HEXD: variants seen among roughly 807,000 people sequenced by gnomAD.
HEXD encodes the protein hexosaminidase D.
In HEXD, 47 loss-of-function variants were observed where a neutral mutation model predicts 54.2. The ratio of observed to expected loss-of-function variants is 0.87; its 90% CI spans 0.69 to 1.11. The LOEUF (loss-of-function observed/expected upper bound fraction) is 1.11. Ranked by LOEUF, HEXD falls within the 50% of genes least tolerant of loss-of-function variation. The probability of loss-of-function intolerance (pLI) is 0.00; values close to 1 mark genes in which losing one functional copy is unlikely to be tolerated. For synonymous variants in HEXD, 293 were observed against 287.6 expected (o/e 1.02, Z -0.19); for missense variants, 576 against 649.2 (o/e 0.89, Z 1.23).
intron 8 of HEXD, among the ~76,000 whole-genome samples, chr17:82,437,585 C>T (rs956550389): frequency 2.6e-5 from 4 of 152,094 alleles, no homozygotes; most frequent in East Asian, 2.0e-4. Context: ...GAACACGTGG[C>T]CCCCAGCCCC....
At position 82,441,081 on chromosome 17, in the gene HEXD, C is replaced by A. The variant is rs781140868; in HGVS notation, c.1061+6C>A. 1 of 1,613,632 alleles carries A rather than the reference C, an allele frequency of 6.2e-7. No homozygotes were observed. Among genetic ancestry groups the A allele is most frequent in the South Asian group, 1.1e-5 (1 of 91,088 alleles). On this transcript the variant is annotated splice_donor_region_variant and intron_variant, in intron 10 of 12. Coordinates refer to ENST00000327949, the MANE Select transcript of HEXD (RefSeq NM_001330542.2). ...GAAAAAACGGACCCTGTTAGGCAAG[C>A]ACCCTGCAGCCCTCCCTGTCCCCTT...
chr17:82,435,908 T>G, intron 6 of HEXD, 36 bp downstream of exon 6: 1 of 1,580,984 alleles, frequency 6.3e-7, no homozygotes, highest in Non-Finnish European at 8.6e-7. Context: ...GGTGGGCCAC[T>G]GAACTGCCCA....
Position 82,434,580 on chromosome 17 carries a change from G to A in HEXD, c.447+758G>A, listed in dbSNP as rs555695065. ...AGGCTGGGTGTGGTGGCTCACGCCT[G>A]TAATCCCAGCACTTTGGGAGACCAA... On this transcript the variant is annotated intron_variant, in intron 5 of 12. Transcript: ENST00000327949. This position sits in a 1 kb window ranked among gnomAD's most constrained non-coding sequence, Gnocchi z 4.5. Among the ~76,000 whole-genome samples, 1 of 152,368 alleles carries A rather than the reference G, an allele frequency of 6.6e-6. No homozygotes were observed. Among genetic ancestry groups the A allele is most frequent in the South Asian group, 2.1e-4 (1 of 4,828 alleles).
rs759849737 is a variant in HEXD, at chr17:82,435,721, C to T, written c.480C>T (p.Arg160=). 54 of 1,612,626 alleles carry T rather than the reference C, an allele frequency of 3.3e-5. 1 individual carries two copies. In the African/African-American group the frequency reaches 6.7e-4, roughly 20 times the overall value. ...ACCTCGGAGAGGGGGAGGCCTCGCGCCGGTGGCTACAGCAAGAGCAGAACA... is the reference window on the plus strand; with the variant it reads ...ACCTCGGAGAGGGGGAGGCCTCGCGTCGGTGGCTACAGCAAGAGCAGAACA... ...VYYLGEGEAS[R]RWLQQEQNST... Residue 160 remains arginine (R), a synonymous_variant, in exon 6 of 13, where the codon CGC becomes CGT. Transcript: ENST00000327949.
intron 2 of HEXD, among the ~76,000 whole-genome samples, chr17:82,421,943 G>A (rs1301006279): frequency 1.3e-5 from 2 of 152,054 alleles, no homozygotes; most frequent in East Asian, 3.9e-4. Context: ...TTGGGAGGCC[G>A]AGGAAGGTGG....
rs559736837 is a variant in HEXD at position 82,437,240 on chromosome 17, C to A, written c.776C>A (p.Thr259Lys). The A allele has an allele frequency of 6.2e-7, 1 of 1,611,022 alleles. No homozygotes were observed. The highest frequency in any genetic ancestry group is 1.1e-5 in the South Asian group (1 of 90,892). Residue 259 changes from threonine to lysine, a missense_variant, in exon 8 of 13, where the codon ACG (threonine) becomes AAG (lysine). Transcript: ENST00000327949. ...LWAASAFKGA[T>K]GPSQAVPPVE... ...GCAGCCAGTGCCTTCAAGGGTGCCACGGGGCCCAGCCAGGCCGTGCCCCCT... is the reference window on the plus strand; with the variant it reads ...GCAGCCAGTGCCTTCAAGGGTGCCAAGGGGCCCAGCCAGGCCGTGCCCCCT...
intron 4 of HEXD, among the ~76,000 whole-genome samples, chr17:82,433,146 T>TTTA (rs2053660080): frequency 1.2e-5 from 1 of 80,442 alleles, no homozygotes; most frequent in African/African-American, 5.1e-5. Context: ...TTTTTTTTTA[T>TTTA]ATATATATTT....
rs755323010 is a variant in HEXD at position 82,442,330 on chromosome 17, T to A, written c.1407T>A (p.Ser469=). The change falls in exon 13 of 13, where the codon TCT becomes TCA. Residue 469 remains serine, a synonymous_variant. Coordinates refer to ENST00000327949, the MANE Select transcript of HEXD (RefSeq NM_001330542.2). The surrounding 1 kb of genome is among the most constrained non-coding windows in gnomAD (Gnocchi z 6.8). ...TGCTGCAGGACCTCAGCGAGGTGTCTGCCCCCCCGCTGCCACCCACCAGCC... is the reference window on the plus strand; with the variant it reads ...TGCTGCAGGACCTCAGCGAGGTGTCAGCCCCCCCGCTGCCACCCACCAGCC... ...QALLQDLSEV[S]APPLPPTSPG... 7 of 1,610,836 alleles carry A rather than the reference T, an allele frequency of 4.3e-6. No individual in the cohort carries two copies. The East Asian group carries it at 1.6e-4, about 36-fold the overall frequency.
chr17:82,436,770 C>T lies in HEXD; in HGVS notation c.703+32C>T, dbSNP rs759661412. ...GCCAAGTTGTGGGGGGTGTGTTGTCCTGGCCATGTGCCTGGGAAGGCCATC... is the reference window on the plus strand; with the variant it reads ...GCCAAGTTGTGGGGGGTGTGTTGTCTTGGCCATGTGCCTGGGAAGGCCATC... On this transcript the variant is annotated intron_variant, in intron 7 of 12. Transcript: ENST00000327949. 3 of 1,592,682 alleles carry T rather than the reference C, an allele frequency of 1.9e-6. No homozygotes were observed. In the South Asian group the frequency reaches 3.4e-5, roughly 18 times the overall value.
intron 8 of HEXD, 71 bp from the exon 9 acceptor site, chr17:82,439,560 C>G: frequency 2.0e-6 from 3 of 1,497,662 alleles, no homozygotes; most frequent in East Asian, 2.3e-5. Context: ...CAGGGACGTC[C>G]GAAGTCAGGG....
Position 82,442,095 on chromosome 17 carries a change from A to G in HEXD, c.1254-82A>G, listed in dbSNP as rs561002236. The G allele has an allele frequency of 3.9e-5, 58 of 1,491,030 alleles. No individual in the cohort carries two copies. The African/African-American group carries it at 7.0e-4, about 18-fold the overall frequency. The allele number at this position is 1,491,030 out of a possible 1,614,324, so 92.4% of individuals were successfully genotyped here. A position where few individuals can be genotyped will look rare whatever the true frequency, so the allele number is the denominator to read the frequency against. On this transcript the variant is annotated intron_variant, in intron 12 of 12. Transcript: ENST00000327949. This position sits in a 1 kb window ranked among gnomAD's most constrained non-coding sequence, Gnocchi z 6.8. ...GTAGCCCCATTTCACAGGTGAACTG[A>G]GGCACAGGGCAGTACTGACCATGGG...
At position 82,418,431 on chromosome 17, in the gene HEXD, C is replaced by T. The variant is rs1315880150; in HGVS notation, c.-361C>T. The T allele has an allele frequency of 1.0e-5, 15 of 1,478,904 alleles. No homozygotes were observed. Among genetic ancestry groups the T allele is most frequent in the Middle Eastern group, 2.2e-4 (1 of 4,456 alleles). 91.6% of individuals were successfully genotyped at this position (1,478,904 alleles called of 1,614,324 possible). A position where few individuals can be genotyped will look rare whatever the true frequency, so the allele number is the denominator to read the frequency against. ...CGCTACCTGCTCCGGTTCCGGCGCT[C>T]GGCCGCTCCGTTGCCCTCGGGCGCC... On this transcript the variant is annotated 5_prime_UTR_variant, in exon 1 of 13. Coordinates refer to ENST00000327949, the MANE Select transcript of HEXD (RefSeq NM_001330542.2).
chr17:82,441,189 C>T lies in HEXD; in HGVS notation c.1086C>T (p.Gly362=). The change falls in exon 11 of 13, where the codon GGC becomes GGT. Residue 362 remains glycine, a synonymous_variant. Coordinates refer to ENST00000327949, the MANE Select transcript of HEXD (RefSeq NM_001330542.2). The part of the protein sequence containing the change: ...PVREGAGSFP[G]SNILALVTQV... Reference sequence around the variant, plus strand: ...GGGAGGGGGCCGGCTCCTTCCCTGGCAGCAACATCCTTGCCCTTGTCACAC... The same window carrying T: ...GGGAGGGGGCCGGCTCCTTCCCTGGTAGCAACATCCTTGCCCTTGTCACAC... 3 of 1,613,192 alleles carry T rather than the reference C, an allele frequency of 1.9e-6. No individual in the cohort carries two copies. The highest frequency in any genetic ancestry group is 2.5e-6 in the Non-Finnish European group (3 of 1,179,982).
chr17:82,424,577 G>A, intron 3 of HEXD, 74 bp downstream of exon 3: 2 of 1,013,952 alleles, frequency 2.0e-6, no homozygotes. Context: ...GGCAGGAGGA[G>A]CAGCAACCTG....
rs766327032 is a variant in HEXD, at chr17:82,428,641, T to C, written c.278T>C (p.Met93Thr). The change falls in exon 4 of 13, where the codon ATG becomes ACG. Residue 93 changes from methionine (M) to threonine (T), a missense_variant. By Grantham distance (81) the Met-to-Thr change is moderately conservative. Transcript: ENST00000327949. ...VIPLVQTFGH[M>T]EFVLKHTAFA... ...CCCTTGGTGCAGACATTTGGACACA[T>C]GGAGGTGAGTGGCAGAAATGGAAGT... 3.7e-6 allele frequency: 6 copies of C among 1,612,450 alleles called. No individual in the cohort carries two copies. Among genetic ancestry groups the C allele is most frequent in the Middle Eastern group, 1.7e-4 (1 of 6,038 alleles).
At position 82,439,354 on chromosome 17, in the gene HEXD, G is replaced by T. The variant is rs1468271960; in HGVS notation, c.900-277G>T. The T allele has an allele frequency of 1.0e-5, 9 of 868,650 alleles. No individual in the cohort carries two copies. The East Asian group carries it at 7.3e-4, about 70-fold the overall frequency. 53.8% of individuals were successfully genotyped at this position (868,650 alleles called of 1,614,324 possible). On this transcript the variant is annotated intron_variant, in intron 8 of 12. Coordinates refer to ENST00000327949, the MANE Select transcript of HEXD (RefSeq NM_001330542.2). ...GACAACGACCGGCCACCCACCCAAGGTCCACCCAGAATTCCCATGGCTCCG... is the reference window on the plus strand; with the variant it reads ...GACAACGACCGGCCACCCACCCAAGTTCCACCCAGAATTCCCATGGCTCCG...
intron 2 of HEXD, among the ~76,000 whole-genome samples, 159 bp from the exon 3 acceptor site, chr17:82,424,235 G>A (rs747392804): frequency 6.6e-6 from 1 of 152,180 alleles, no homozygotes; most frequent in Non-Finnish European, 1.5e-5. Flanking sequence ...TTGGCATAAC[G>A]TAAAGTACAC....
At chr17:82,420,024 T>G in intron 2 of HEXD, 141 bp downstream of exon 2, 1 of 418,764 alleles carries the variant, frequency 2.4e-6, no homozygotes, top group Non-Finnish European at 4.3e-6. Flanking sequence ...GCAGCAGCAT[T>G]GATTTTGAAT....
intron 4 of HEXD, among the ~76,000 whole-genome samples, chr17:82,431,218 G>A (rs2053567092): frequency 1.3e-5 from 2 of 151,758 alleles, no homozygotes; most frequent in African/African-American, 2.4e-5. Flanking sequence ...TGCCCAGACT[G>A]GTCTCGAACC....
Sources: allele counts gnomAD v4.1 joint callset (sites outside exome capture counted in the v4.1 genomes callset), GRCh38; gene constraint gnomAD v4.1.1; non-coding constraint Gnocchi (gnomAD v3.1); transcripts MANE v1.5; gene names NCBI Gene and HGNC (gene_info 2026-07-23, HGNC 2026-07-21).